The following SEMA6D variants were observed in gnomAD, a reference collection of about 807,000 sequenced individuals.
SEMA6D encodes semaphorin 6D.
A neutral mutation model predicts 106.6 loss-of-function variants in SEMA6D; 35 were observed. That is an observed-to-expected ratio of 0.33 (90% confidence interval 0.25 to 0.44). The LOEUF (loss-of-function observed/expected upper bound fraction) is 0.44. Ranked by LOEUF, SEMA6D falls within the 20% of genes least tolerant of loss-of-function variation. The pLI is 1.00. For synonymous variants in SEMA6D, 499 were observed against 487.7 expected (o/e 1.02, Z -0.31); for missense variants, 1,185 against 1,345.9 (o/e 0.88, Z 1.87).
chr15:47,577,997 T>C (rs934234917), intron 3 of SEMA6D, among the ~76,000 whole-genome samples: 5 of 152,390 alleles, frequency 3.3e-5, no homozygotes, highest in African/African-American at 1.2e-4. Flanking sequence ...GAGACCTTTA[T>C]AGATAGTAAC....
chr15:47,744,579 G>A (rs559311440), intron 1 of SEMA6D, among the ~76,000 whole-genome samples: 79 of 152,278 alleles, frequency 5.2e-4, no homozygotes, highest in Non-Finnish European at 6.0e-4. Context: ...GGGGGAAAAT[G>A]CACCCTCTGC....
intron 1 of SEMA6D, among the ~76,000 whole-genome samples, chr15:47,224,260 C>G (rs1308317721): frequency 6.6e-6 from 1 of 151,854 alleles, no homozygotes; most frequent in Non-Finnish European, 1.5e-5. Flanking sequence ...CTGACTCTGA[C>G]TTCAAAGACC....
At chr15:47,561,205 A>C (rs1488596424) in intron 3 of SEMA6D, among the ~76,000 whole-genome samples, 2 of 152,166 alleles carry the variant, frequency 1.3e-5, no homozygotes, top group East Asian at 3.9e-4. Context: ...CAGGCGGTTT[A>C]TGGCCAAAGA....
chr15:47,326,141 G>A (rs1024344460), intron 1 of SEMA6D, among the ~76,000 whole-genome samples: 4 of 152,036 alleles, frequency 2.6e-5, no homozygotes, highest in South Asian at 2.1e-4. Context: ...TTACCGAGAC[G>A]GATTCTCTAA....
intron 2 of SEMA6D, among the ~76,000 whole-genome samples, chr15:47,466,807 A>G (rs1233363149): frequency 6.6e-6 from 1 of 150,542 alleles, no homozygotes; most frequent in Admixed American, 6.6e-5. Context: ...GCTCACTGCA[A>G]CCTCCACCTC....
At chr15:47,319,285 C>T (rs1359129685) in intron 1 of SEMA6D, among the ~76,000 whole-genome samples, 1 of 152,184 alleles carries the variant, frequency 6.6e-6, no homozygotes, top group African/African-American at 2.4e-5. Context: ...ATAATTCAAA[C>T]ATTTCTGCTG....
rs531489322 is a variant in SEMA6D, at chr15:47,438,601, C to T, written c.-159+26129C>T. On this transcript the variant is annotated intron_variant, in intron 2 of 19. Coordinates refer to the SEMA6D transcript ENST00000558014. Reference sequence around the variant, plus strand: ...TGAAACCCACCTTACATGGCTTCTGCCCCAGGATCTTGGCAGTTGCTGTCC... The same window carrying T: ...TGAAACCCACCTTACATGGCTTCTGTCCCAGGATCTTGGCAGTTGCTGTCC... Among the ~76,000 whole-genome samples the T allele has an allele frequency of 4.6e-5, 7 of 152,036 alleles. No homozygotes were observed. The South Asian group carries it at 1.5e-3, about 32-fold the overall frequency.
intron 1 of SEMA6D, among the ~76,000 whole-genome samples, chr15:47,368,581 C>T (rs1567032069): frequency 6.6e-6 from 1 of 151,980 alleles, no homozygotes; most frequent in Non-Finnish European, 1.5e-5. Flanking sequence ...CGCCATTCTC[C>T]TGCCTCAGCC....
chr15:47,299,804 GAAGTACTTGT>G (rs2142985516), intron 1 of SEMA6D, among the ~76,000 whole-genome samples: 1 of 152,352 alleles, frequency 6.6e-6, no homozygotes, highest in African/African-American at 2.4e-5. Flanking sequence ...GGTACTTGAT[GAAGTACTTGT>G]AAGTACTTAA....
At chr15:47,263,679 G>T (rs1340559364) in intron 1 of SEMA6D, among the ~76,000 whole-genome samples, 1 of 151,830 alleles carries the variant, frequency 6.6e-6, no homozygotes, top group African/African-American at 2.4e-5. Context: ...AAGACTTAAT[G>T]GTTGACTATC....
intron 1 of SEMA6D, among the ~76,000 whole-genome samples, chr15:47,312,143 A>G (rs2036471718): frequency 2.0e-5 from 1 of 49,576 alleles, no homozygotes. Flanking sequence ...GCGTCTTTCT[A>G]GGGTTTTTTT....
intron 4 of SEMA6D, among the ~76,000 whole-genome samples, chr15:47,634,095 A>G (rs189002563): frequency 6.6e-6 from 1 of 152,194 alleles, no homozygotes; most frequent in Admixed American, 6.5e-5. Context: ...ATGTCAAATA[A>G]TGCCGACATA....
chr15:47,326,306 CTG>C (rs1310035260), intron 1 of SEMA6D, among the ~76,000 whole-genome samples: 1 of 152,252 alleles, frequency 6.6e-6, no homozygotes, highest in African/African-American at 2.4e-5. Context: ...GCAATAATGA[CTG>C]TGCTTTTAAC....
chr15:47,652,327 T>A (rs1033015494), intron 4 of SEMA6D, among the ~76,000 whole-genome samples: 15 of 152,198 alleles, frequency 9.9e-5, no homozygotes, highest in African/African-American at 3.6e-4. Flanking sequence ...TATAGGGAGC[T>A]AGTACCTTAA....
chr15:47,392,955 G>A (rs1425211892), intron 1 of SEMA6D, among the ~76,000 whole-genome samples: 2 of 152,162 alleles, frequency 1.3e-5, no homozygotes, highest in Non-Finnish European at 2.9e-5. Context: ...GTCCTGTTCG[G>A]GCACCTGCAT....
chr15:47,442,334 C>T (rs1473601698), intron 2 of SEMA6D, among the ~76,000 whole-genome samples: 5 of 152,096 alleles, frequency 3.3e-5, no homozygotes, highest in Non-Finnish European at 7.4e-5. Flanking sequence ...AGAAAGATAC[C>T]TTCCATGATG....
chr15:47,405,058 C>G (rs2040516812), intron 1 of SEMA6D, among the ~76,000 whole-genome samples: 1 of 152,058 alleles, frequency 6.6e-6, no homozygotes, highest in African/African-American at 2.4e-5. Flanking sequence ...GAGAAAGGCA[C>G]TCCAGGAGGA....
chr15:47,424,338 C>T (rs1331811481), intron 2 of SEMA6D, among the ~76,000 whole-genome samples: 1 of 150,466 alleles, frequency 6.6e-6, no homozygotes, highest in Non-Finnish European at 1.5e-5. Flanking sequence ...GCATACATTT[C>T]ATGAAATAAG....
chr15:47,557,690 T>C (rs2045953962), intron 3 of SEMA6D, among the ~76,000 whole-genome samples: 1 of 152,174 alleles, frequency 6.6e-6, no homozygotes, highest in South Asian at 2.1e-4. Flanking sequence ...GTTAGGGAAA[T>C]CACATCAGGT....
Sources: gnomAD v4.1 joint callset for allele counts (sites outside exome capture counted in the v4.1 genomes callset) on GRCh38, gnomAD v4.1.1 for gene constraint, MANE v1.5 for transcripts, NCBI Gene and HGNC (gene_info 2026-07-23, HGNC 2026-07-21) for gene names.